The following MTTP variants were observed in gnomAD, a reference collection of about 807,000 sequenced individuals.
The protein encoded by MTTP is microsomal triglyceride transfer protein large subunit.
Under a neutral mutation model 90.6 loss-of-function variants are expected in MTTP, and 49 were observed. That is an observed-to-expected ratio of 0.54 (90% confidence interval 0.43 to 0.69). The LOEUF (loss-of-function observed/expected upper bound fraction) is 0.69. MTTP is among the 30% of genes least tolerant of loss of function. The pLI is 0.00. For missense variants in MTTP, 945 were observed against 1,067.5 expected, an observed-to-expected ratio of 0.89 and a Z score of 1.60; for synonymous variants, 347 against 384.2, an observed-to-expected ratio of 0.90 and a Z score of 1.13.
chr4:99,577,298 G>A (rs1296507462), intron 1 of MTTP, among the ~76,000 whole-genome samples: 1 of 151,996 alleles, frequency 6.6e-6, no homozygotes, highest in African/African-American at 2.4e-5. Context: ...ATGTTGAAGG[G>A]CAGGTTAGAA....
intron 8 of MTTP, among the ~76,000 whole-genome samples, chr4:99,600,027 G>A (rs1725656135): frequency 6.6e-6 from 1 of 152,034 alleles, no homozygotes; most frequent in African/African-American, 2.4e-5. Context: ...ATTCATTGTG[G>A]TTAAACATAG....
At chr4:99,581,825 G>A in intron 1 of MTTP, 80 bp from the exon 2 acceptor site, 1 of 1,414,674 alleles carries the variant, frequency 7.1e-7, no homozygotes, top group South Asian at 1.2e-5. Flanking sequence ...GAGCCCCACT[G>A]TGGTAGAGAG....
intron 12 of MTTP, among the ~76,000 whole-genome samples, chr4:99,609,529 A>C (rs778151268): frequency 5.3e-5 from 8 of 152,160 alleles, no homozygotes; most frequent in Non-Finnish European, 1.0e-4. Context: ...TCCCAAATGC[A>C]AAGTGGCTCC....
intron 10 of MTTP, among the ~76,000 whole-genome samples, chr4:99,604,624 T>C (rs949798230): frequency 6.6e-6 from 1 of 152,172 alleles, no homozygotes; most frequent in African/African-American, 2.4e-5. Context: ...CTTTTACTTC[T>C]TATTACTTGA....
intron 7 of MTTP, among the ~76,000 whole-genome samples, 157 bp from the exon 8 acceptor site, chr4:99,596,910 A>C (rs1725566515): frequency 6.6e-6 from 1 of 152,188 alleles, no homozygotes; most frequent in Admixed American, 6.5e-5. Flanking sequence ...CAGGGGTATG[A>C]TATGGGCAGG....
intron 8 of MTTP, among the ~76,000 whole-genome samples, chr4:99,600,225 A>C (rs1246232265): frequency 6.6e-6 from 1 of 152,192 alleles, no homozygotes; most frequent in Non-Finnish European, 1.5e-5. Flanking sequence ...TGTATTACTC[A>C]TATAGGAAAG....
chr4:99,591,898 T>A, intron 6 of MTTP, 108 bp downstream of exon 6: 1 of 989,974 alleles, frequency 1.0e-6, no homozygotes, highest in Non-Finnish European at 1.5e-6. Flanking sequence ...GCGCGTGTAG[T>A]CATGCATTGC....
At position 99,564,197 on chromosome 4, in the gene MTTP, TAA is replaced by T. The variant is rs1181021553; in HGVS notation, c.-141_-140del. ...TGTCTGTTTTTTCCCGTTCAAGAATTAAGTGTGTACCTGCAGACGTGTATTCA... is the reference window on the plus strand; with the variant it reads ...TGTCTGTTTTTTCCCGTTCAAGAATTGTGTGTACCTGCAGACGTGTATTCA... On this transcript the variant is annotated 5_prime_UTR_variant, in exon 1 of 19. Coordinates refer to the MTTP transcript ENST00000457717. 9 of 1,535,532 alleles carry T rather than the reference TAA, an allele frequency of 5.9e-6. No individual in the cohort carries two copies. The African/African-American group carries it at 1.1e-4, about 19-fold the overall frequency.
chr4:99,583,488 C>T lies in MTTP; in HGVS notation c.364C>T (p.Pro122Ser). The T allele has an allele frequency of 6.2e-7, 1 of 1,613,608 alleles. No individual in the cohort carries two copies. The change falls in exon 3 of 18, where the codon CCT (proline) becomes TCT (serine). Residue 122 changes from proline to serine, a missense_variant. By Grantham distance (74) the Pro-to-Ser change is moderately conservative. Transcript: ENST00000265517. The part of the protein sequence containing the change: ...GKENLEALQR[P>S]TLLHLIHGKV... ...GGAAAACTTGGAAGCTCTGCAAAGACCTACGCTCCTTCATCTAATCCATGG... is the reference window on the plus strand; with the variant it reads ...GGAAAACTTGGAAGCTCTGCAAAGATCTACGCTCCTTCATCTAATCCATGG...
At chr4:99,588,376 G>C (rs1419408230) in intron 3 of MTTP, among the ~76,000 whole-genome samples, 1 of 152,040 alleles carries the variant, frequency 6.6e-6, no homozygotes, top group Non-Finnish European at 1.5e-5. Context: ...TTTCTAAATT[G>C]TGTGATGCAT....
intron 1 of MTTP, among the ~76,000 whole-genome samples, chr4:99,577,706 G>A (rs1056773773): frequency 6.6e-6 from 1 of 151,910 alleles, no homozygotes; most frequent in African/African-American, 2.4e-5. Context: ...TTAGGATTAG[G>A]ATAAAAGAGC....
chr4:99,569,143 T>C (rs779529955), intron 1 of MTTP, among the ~76,000 whole-genome samples: 6 of 152,130 alleles, frequency 3.9e-5, no homozygotes, highest in African/African-American at 7.2e-5. Flanking sequence ...CATGTTGATA[T>C]TATGTACCTC....
intron 4 of MTTP, 51 bp from the exon 5 acceptor site, chr4:99,591,184 C>T (rs927356101): frequency 3.7e-6 from 5 of 1,361,548 alleles, no homozygotes; most frequent in Admixed American, 3.4e-5. Flanking sequence ...CACTAGAATT[C>T]AAATGGCCCA....
intron 1 of MTTP, among the ~76,000 whole-genome samples, chr4:99,569,037 A>T (rs560105728): frequency 1.3e-5 from 2 of 152,272 alleles, no homozygotes; most frequent in Admixed American, 1.3e-4. Flanking sequence ...GTGCACTATG[A>T]AAAAAAGGGT....
intron 1 of MTTP, among the ~76,000 whole-genome samples, chr4:99,566,303 A>G (rs1029238043): frequency 2.7e-4 from 35 of 131,380 alleles, no homozygotes; most frequent in Admixed American, 9.4e-4. Flanking sequence ...AAAAGAAAAA[A>G]AAAAAAAAAA....
At chr4:99,621,757 G>T (rs1312664860) in intron 17 of MTTP, among the ~76,000 whole-genome samples, 1 of 152,098 alleles carries the variant, frequency 6.6e-6, no homozygotes, top group Admixed American at 6.5e-5. Context: ...AATGCTTTTG[G>T]TAAAATAGTT....
Position 99,611,186 on chromosome 4 carries a change from T to G in MTTP, c.1813T>G (p.Tyr605Asp). ...TCTGAAGGAAATGGTCGCTCACAATTATGACCGTTTCTCCAGGAGTGGATC... is the reference window on the plus strand; with the variant it reads ...TCTGAAGGAAATGGTCGCTCACAATGATGACCGTTTCTCCAGGAGTGGATC... ...RVLKEMVAHN[Y>D]DRFSRSGSSS... is the part of the protein sequence containing the mutation. The change falls in exon 13 of 18, where the codon TAT (tyrosine) becomes GAT (aspartate). Residue 605 changes from tyrosine (Y) to aspartate (D), a missense_variant. Physicochemically the swap from Tyr to Asp is radical, Grantham distance 160. Coordinates refer to ENST00000265517, the MANE Select transcript of MTTP (RefSeq NM_001386140.1). The G allele has an allele frequency of 1.9e-6, 3 of 1,614,112 alleles. No individual in the cohort carries two copies. Among genetic ancestry groups the G allele is most frequent in the Non-Finnish European group, 2.5e-6 (3 of 1,179,992 alleles).
intron 1 of MTTP, chr4:99,564,562 A>AGAT (rs1471579347): frequency 3.0e-5 from 8 of 266,006 alleles, no homozygotes; most frequent in Non-Finnish European, 5.8e-5. Context: ...GCAAAACATC[A>AGAT]GATGACATTT....
At chr4:99,579,844 C>T (rs1725059937) in intron 1 of MTTP, among the ~76,000 whole-genome samples, 1 of 151,660 alleles carries the variant, frequency 6.6e-6, no homozygotes, top group Non-Finnish European at 1.5e-5. Flanking sequence ...TCAGGACCAG[C>T]CTGGCCAACA....
Sources: gnomAD v4.1 joint callset for allele counts (sites outside exome capture counted in the v4.1 genomes callset) on GRCh38, gnomAD v4.1.1 for gene constraint, MANE v1.5 for transcripts, NCBI Gene and HGNC (gene_info 2026-07-23, HGNC 2026-07-21) for gene names.